The following ACO1 variants were observed in gnomAD, a reference collection of about 807,000 sequenced individuals.
ACO1 encodes aconitase 1.
In ACO1, 78 loss-of-function variants were observed where a neutral mutation model predicts 105.1. The ratio of observed to expected loss-of-function variants is 0.74; its 90% CI spans 0.62 to 0.90. The LOEUF (loss-of-function observed/expected upper bound fraction) is 0.90. Among genes scored for constraint, ACO1 ranks in the 40% least tolerant of loss-of-function variants. The pLI, the probability that ACO1 is intolerant of heterozygous loss-of-function variation, is 0.00. For missense variants in ACO1, 965 were observed against 1,111.1 expected (o/e 0.87, Z 1.87); for synonymous variants, 364 against 397.4 (o/e 0.92, Z 1.00).
At chr9:32,437,355 C>T (rs919600209) in intron 18 of ACO1, among the ~76,000 whole-genome samples, 1 of 152,202 alleles carries the variant, frequency 6.6e-6, no homozygotes, top group Non-Finnish European at 1.5e-5. Context: ...GTGCCCTTTA[C>T]CACCACACAT....
intron 19 of ACO1, among the ~76,000 whole-genome samples, chr9:32,441,483 G>T (rs568036785): frequency 6.6e-6 from 1 of 152,256 alleles, no homozygotes; most frequent in Admixed American, 6.5e-5. Context: ...AGACATTTAG[G>T]CTTCTGATAA....
chr9:32,426,046 A>C lies in ACO1; in HGVS notation c.1348+49A>C. 5 of 1,586,292 alleles carry C rather than the reference A, an allele frequency of 3.2e-6. No individual in the cohort carries two copies. The South Asian group carries it at 5.7e-5, about 18-fold the overall frequency. On this transcript the variant is annotated intron_variant, in intron 11 of 20. Coordinates refer to ENST00000309951, the MANE Select transcript of ACO1 (RefSeq NM_002197.3). Reference sequence around the variant, plus strand: ...CATGGTCATACATGTGTGTAGGTGGAAATAGCCCGAGACAGGGCCCAGGGC... The same window carrying C: ...CATGGTCATACATGTGTGTAGGTGGCAATAGCCCGAGACAGGGCCCAGGGC...
intron 15 of ACO1, among the ~76,000 whole-genome samples, chr9:32,432,967 A>C (rs762143385): frequency 1.3e-5 from 2 of 152,100 alleles, no homozygotes; most frequent in Non-Finnish European, 2.9e-5. Context: ...TGTTGCACTG[A>C]GGTCCTCCGT....
At chr9:32,427,595 T>C (rs1042738204) in intron 12 of ACO1, among the ~76,000 whole-genome samples, 159 bp downstream of exon 12, 2 of 152,190 alleles carry the variant, frequency 1.3e-5, no homozygotes, top group Non-Finnish European at 2.9e-5. Flanking sequence ...ACATTCCATC[T>C]AAAGAGAGCC....
chr9:32,405,592 A>G lies in ACO1; in HGVS notation c.86A>G (p.Asp29Gly). ...KKFFNLNKLE[D>G]SRYGRLPFSI... ...TTCTTCAATTTGAATAAATTGGAGG[A>G]TTCAAGATATGGTAGGTACATGGCT... Residue 29 changes from aspartate (D) to glycine (G), a missense_variant, in exon 2 of 21, where the codon GAT becomes GGT. Physicochemically the swap from Asp to Gly is moderately conservative, Grantham distance 94. Coordinates refer to ENST00000309951, the MANE Select transcript of ACO1 (RefSeq NM_002197.3). The G allele has an allele frequency of 6.2e-7, 1 of 1,609,318 alleles. No homozygotes were observed. The highest frequency in any genetic ancestry group is 8.5e-7 in the Non-Finnish European group (1 of 1,176,132).
At chr9:32,397,106 G>A (rs1821388609) in intron 1 of ACO1, among the ~76,000 whole-genome samples, 1 of 152,152 alleles carries the variant, frequency 6.6e-6, no homozygotes, top group Non-Finnish European at 1.5e-5. Context: ...TGTGAGATGG[G>A]AAAGCTTTCT....
intron 19 of ACO1, chr9:32,445,562 C>A: frequency 3.4e-6 from 1 of 297,754 alleles, no homozygotes; most frequent in Non-Finnish European, 6.9e-6. Flanking sequence ...AAAACCAGCT[C>A]CTGGATTCAT....
intron 8 of ACO1, among the ~76,000 whole-genome samples, chr9:32,422,786 A>G (rs1822003416): frequency 6.6e-6 from 1 of 152,214 alleles, no homozygotes; most frequent in Non-Finnish European, 1.5e-5. Context: ...ATAAATGAGA[A>G]TAATAATTGT....
chr9:32,440,267 C>CAA lies in ACO1; in HGVS notation c.2248-185_2248-184dup, dbSNP rs1196425192. 4.2e-4 allele frequency among the ~76,000 whole-genome samples: 51 copies of CAA among 122,580 alleles called. 1 individual carries two copies. The highest frequency in any genetic ancestry group is 1.4e-3 in the African/African-American group (46 of 33,368). 80.4% of individuals were successfully genotyped at this position (122,580 alleles called of 152,430 possible). On this transcript the variant is annotated intron_variant, in intron 18 of 20. Coordinates refer to ENST00000309951, the MANE Select transcript of ACO1 (RefSeq NM_002197.3). ...TAGACAATAGAGTGAAACTCTATCT[C>CAA]AAAAAAAAAAAAAAGAATACAAAAT...
At chr9:32,436,070 C>G (rs1463790787) in intron 17 of ACO1, 180 bp from the exon 18 acceptor site, 1 of 784,488 alleles carries the variant, frequency 1.3e-6, no homozygotes, top group South Asian at 1.5e-5. Context: ...TCACCTCTCT[C>G]TCTTCTCCGT....
chr9:32,390,938 A>G (rs950155304), intron 1 of ACO1, among the ~76,000 whole-genome samples: 1 of 152,244 alleles, frequency 6.6e-6, no homozygotes, highest in African/African-American at 2.4e-5. Context: ...CTGAAAAAAT[A>G]CAACTGAATA....
chr9:32,419,842 A>G (rs1821931000), intron 7 of ACO1, among the ~76,000 whole-genome samples: 1 of 152,228 alleles, frequency 6.6e-6, no homozygotes, highest in African/African-American at 2.4e-5. Context: ...TAAAAAGGCC[A>G]TTTCGTTTTG....
At chr9:32,397,121 T>C (rs946327636) in intron 1 of ACO1, among the ~76,000 whole-genome samples, 2 of 152,186 alleles carry the variant, frequency 1.3e-5, no homozygotes, top group Non-Finnish European at 1.5e-5. Context: ...CTTTCTGATA[T>C]AGAGGCAGAG....
At chr9:32,410,032 A>G (rs1161608178) in intron 4 of ACO1, among the ~76,000 whole-genome samples, 1 of 152,186 alleles carries the variant, frequency 6.6e-6, no homozygotes, top group Non-Finnish European at 1.5e-5. Flanking sequence ...CCAAGTAGTA[A>G]TGGTCAATTT....
intron 19 of ACO1, among the ~76,000 whole-genome samples, chr9:32,446,419 T>C (rs552590167): frequency 3.0e-4 from 46 of 152,352 alleles, no homozygotes; most frequent in African/African-American, 1.0e-3. Flanking sequence ...CCCTGCTTTT[T>C]TTTTGCTTTC....
chr9:32,393,010 C>G (rs1821298095), intron 1 of ACO1, among the ~76,000 whole-genome samples: 1 of 152,112 alleles, frequency 6.6e-6, no homozygotes, highest in African/African-American at 2.4e-5. Flanking sequence ...TATGTCACCT[C>G]AGGACCCTGT....
chr9:32,420,700 G>GT (rs1165380174), intron 7 of ACO1, among the ~76,000 whole-genome samples, 156 bp from the exon 8 acceptor site: 1 of 152,166 alleles, frequency 6.6e-6, no homozygotes, highest in African/African-American at 2.4e-5. Context: ...AGTTGGCATT[G>GT]TTTTTTAAGT....
intron 3 of ACO1, 99 bp from the exon 4 acceptor site, chr9:32,408,415 G>GT (rs1183741765): frequency 1.7e-5 from 23 of 1,380,882 alleles, no homozygotes; most frequent in Non-Finnish European, 2.3e-5. Context: ...CTCTGATGAG[G>GT]TAGGGCCTTG....
Position 32,431,992 on chromosome 9 carries a change from G to A in ACO1, c.1851+149G>A, listed in dbSNP as rs1041286259. ...CAGATGACTGGGGAGGTGGTTCTCC[G>A]TCATTTTTCTCCTGTGACTCGCATT... On this transcript the variant is annotated intron_variant, in intron 15 of 20. Coordinates refer to ENST00000309951, the MANE Select transcript of ACO1 (RefSeq NM_002197.3). The A allele has an allele frequency of 2.5e-4, 245 of 966,282 alleles. 2 individuals are homozygous for A. The highest frequency in any genetic ancestry group is 2.0e-4 in the Admixed American group (6 of 29,646). 59.9% of individuals were successfully genotyped at this position (966,282 alleles called of 1,614,324 possible).
Sources: gnomAD v4.1 joint callset for allele counts (sites outside exome capture counted in the v4.1 genomes callset) on GRCh38, gnomAD v4.1.1 for gene constraint, MANE v1.5 for transcripts, NCBI Gene and HGNC (gene_info 2026-07-23, HGNC 2026-07-21) for gene names.